HSP90AA1: variants seen among roughly 807,000 people sequenced by gnomAD.
The protein encoded by HSP90AA1 is heat shock protein 90 alpha family class A member 1, also known as heat shock protein HSP 90-alpha.
A neutral mutation model predicts 73.3 loss-of-function variants in HSP90AA1; 18 were observed. The observed-to-expected ratio is 0.25, with a 90% CI of 0.17 to 0.36. The LOEUF (loss-of-function observed/expected upper bound fraction) is 0.36, where lower values mean the gene tolerates loss of function less well. Among genes scored for constraint, HSP90AA1 ranks in the 10% least tolerant of loss-of-function variants. HSP90AA1 has a pLI of 1.00. For missense variants in HSP90AA1, 704 were observed against 874.2 expected, an observed-to-expected ratio of 0.81 and a Z score of 2.45; for synonymous variants, 477 against 296.9, an observed-to-expected ratio of 1.61 and a Z score of -6.24.
intron 1 of HSP90AA1, among the ~76,000 whole-genome samples, chr14:102,113,408 A>C (rs1383042808): frequency 6.9e-6 from 1 of 145,320 alleles, no homozygotes; most frequent in East Asian, 2.1e-4. Context: ...TCACTACGTC[A>C]CCCAGGCTGG....
chr14:102,116,511 C>T (rs895172628), intron 1 of HSP90AA1, among the ~76,000 whole-genome samples: 21 of 152,204 alleles, frequency 1.4e-4, no homozygotes, highest in South Asian at 4.1e-4. Context: ...CTGTGCTCCA[C>T]GTTCCCGAGG....
At chr14:102,118,672 A>G (rs2049738106) in intron 1 of HSP90AA1, among the ~76,000 whole-genome samples, 1 of 152,178 alleles carries the variant, frequency 6.6e-6, no homozygotes, top group Admixed American at 6.6e-5. Flanking sequence ...TTTAAAAATC[A>G]CATACAAAAT....
At chr14:102,085,143 C>T (rs2049194759) in intron 4 of HSP90AA1, 145 bp from the exon 5 acceptor site, 1 of 1,479,488 alleles carries the variant, frequency 6.8e-7, no homozygotes, top group Non-Finnish European at 9.4e-7. Flanking sequence ...GATACATCCA[C>T]TTAATAGCCC....
chr14:102,120,518 C>T (rs1341685351), intron 1 of HSP90AA1, among the ~76,000 whole-genome samples: 2 of 152,010 alleles, frequency 1.3e-5, no homozygotes, highest in African/African-American at 4.8e-5. Flanking sequence ...ATACGTATTA[C>T]TCTAACTTTA....
At chr14:102,100,150 G>A (rs2049474658) in intron 2 of HSP90AA1, among the ~76,000 whole-genome samples, 1 of 151,802 alleles carries the variant, frequency 6.6e-6, no homozygotes, top group Admixed American at 6.6e-5. Flanking sequence ...ATTGTGCCAC[G>A]GCACTCCAGC....
chr14:102,136,290 C>T (rs1433515631), intron 1 of HSP90AA1, among the ~76,000 whole-genome samples: 5 of 152,030 alleles, frequency 3.3e-5, no homozygotes, highest in Admixed American at 6.6e-5. Context: ...CGGTTTGGGC[C>T]GGGCGCGGTG....
At chr14:102,086,897 G>T (rs2049254685) in intron 1 of HSP90AA1, 89 bp downstream of exon 1, 1 of 771,968 alleles carries the variant, frequency 1.3e-6, no homozygotes, top group Non-Finnish European at 1.6e-6. Context: ...CAGGGATCTG[G>T]TCCGGCCCCC....
intron 1 of HSP90AA1, among the ~76,000 whole-genome samples, chr14:102,120,779 C>G (rs1445646344): frequency 2.6e-5 from 4 of 151,688 alleles, no homozygotes; most frequent in Admixed American, 6.6e-5. Flanking sequence ...CCTATCTCTA[C>G]TAAAAATACA....
Position 102,084,724 on chromosome 14 carries a change from T to C in HSP90AA1, c.938A>G (p.Tyr313Cys), listed in dbSNP as rs1317388040. ...DITNEEYGEFYKSLTNDWEDH... is the reference protein window; with the variant it reads ...DITNEEYGEFCKSLTNDWEDH... ...TTCCCAGTCATTGGTCAAGCTCTTA[T>C]AGAATTCTCCGTACTCCTCATTAGT... The change falls in exon 5 of 11, where the codon TAT becomes TGT. Residue 313 changes from tyrosine to cysteine, a missense_variant. Tyr to Cys is a radical substitution (Grantham distance 194, BLOSUM62 -2). Transcript: ENST00000216281. The C allele has an allele frequency of 1.9e-6, 3 of 1,614,032 alleles. No individual in the cohort carries two copies. Among genetic ancestry groups the C allele is most frequent in the Non-Finnish European group, 1.7e-6 (2 of 1,180,030 alleles).
rs561074417 is a variant in HSP90AA1 at position 102,129,594 on chromosome 14, C to T, written c.155+9656G>A. 4.6e-5 allele frequency among the ~76,000 whole-genome samples: 7 copies of T among 152,022 alleles called. No individual in the cohort carries two copies. In the South Asian group the frequency reaches 1.5e-3, roughly 32 times the overall value. On this transcript the variant is annotated intron_variant, in intron 1 of 11. Transcript: ENST00000334701. ...CTCAGCTCACTGCAGCCTCCGCCTCCCGGGTTCAAGCAATTCTCCTGCCTC... is the reference window on the plus strand; with the variant it reads ...CTCAGCTCACTGCAGCCTCCGCCTCTCGGGTTCAAGCAATTCTCCTGCCTC...
chr14:102,105,228 A>C (rs1177100499), intron 1 of HSP90AA1, among the ~76,000 whole-genome samples: 5 of 145,822 alleles, frequency 3.4e-5, no homozygotes, highest in South Asian at 4.3e-4. Context: ...ACAAAAAAAA[A>C]ACCAAACTTC....
At chr14:102,127,950 TTTG>T (rs905592319) in intron 1 of HSP90AA1, among the ~76,000 whole-genome samples, 72 of 152,154 alleles carry the variant, frequency 4.7e-4, no homozygotes, top group Non-Finnish European at 9.6e-4. Flanking sequence ...CCAGCCATGT[TTTG>T]TTTTTAATTG....
rs574477821 is a variant in HSP90AA1, at chr14:102,100,614, A to G, written c.366+1261T>C. ...CTAATTTTGTATTTTTAGTAGAGAC[A>G]GGGTTTCTCCATGTTGGTCAGGCTG... On this transcript the variant is annotated intron_variant, in intron 2 of 11. Coordinates refer to the HSP90AA1 transcript ENST00000334701. 5.9e-5 allele frequency among the ~76,000 whole-genome samples: 9 copies of G among 152,240 alleles called. No individual in the cohort carries two copies. In the South Asian group the frequency reaches 1.5e-3, roughly 25 times the overall value.
upstream of HSP90AA1, among the ~76,000 whole-genome samples, chr14:102,088,258 C>T (rs750520124): frequency 6.6e-6 from 1 of 152,160 alleles, no homozygotes; most frequent in Non-Finnish European, 1.5e-5. Context: ...CATTGGGGTT[C>T]CTTCGACCTG....
chr14:102,139,666 T>C (rs563998051), exon 1 of HSP90AA1: 1 of 651,978 alleles, frequency 1.5e-6, no homozygotes, highest in East Asian at 2.8e-5. Flanking sequence ...GAAGCAGCCA[T>C]GCCGCCCGGA....
chr14:102,091,643 AAAAG>A (rs2093485002), upstream of HSP90AA1, among the ~76,000 whole-genome samples: 2 of 151,614 alleles, frequency 1.3e-5, no homozygotes, highest in African/African-American at 2.4e-5. Flanking sequence ...AACAAACAAA[AAAAG>A]AGACAGTCTC....
At position 102,084,121 on chromosome 14, in the gene HSP90AA1, G is replaced by C. The variant is rs936714892; in HGVS notation, c.1148-138C>G. 139 of 789,938 alleles carry C rather than the reference G, an allele frequency of 1.8e-4. 1 individual carries two copies. Among genetic ancestry groups the C allele is most frequent in the Non-Finnish European group, 3.4e-5 (16 of 465,746 alleles). The allele number at this position is 789,938 out of a possible 1,614,324, so 48.9% of individuals were successfully genotyped here. ...GTCTCACTCTGTTGCCCAGGCTGGA[G>C]GGCAGTGGCGCAATCTCCACTCACT... On this transcript the variant is annotated intron_variant, in intron 6 of 10. Transcript: ENST00000216281.
chr14:102,110,991 T>C (rs1460693659), intron 1 of HSP90AA1, among the ~76,000 whole-genome samples: 1 of 152,180 alleles, frequency 6.6e-6, no homozygotes, highest in Non-Finnish European at 1.5e-5. Context: ...GTGCTGGGAT[T>C]ACAGGCATGA....
At position 102,082,251 on chromosome 14, in the gene HSP90AA1, G is replaced by A. The variant is rs2049116580; in HGVS notation, c.1949C>T (p.Ala650Val). 6.2e-7 allele frequency: 1 copy of A among 1,613,908 alleles called. No individual in the cohort carries two copies. Among genetic ancestry groups the A allele is most frequent in the East Asian group, 2.2e-5 (1 of 44,882 alleles). ...AGACTTGTCGTTCTTATCAGCCTCT[G>A]CCTTTTGCCTTAAGGTCTCAATAAT... ...HSIIETLRQK[A>V]EADKNDKSVK... is the part of the protein sequence containing the mutation. Residue 650 changes from alanine (A) to valine (V), a missense_variant, in exon 10 of 11, where the codon GCA becomes GTA. Physicochemically the swap from Ala to Val is moderately conservative, Grantham distance 64 (BLOSUM62 0). Coordinates refer to ENST00000216281, the MANE Select transcript of HSP90AA1 (RefSeq NM_005348.4).
Sources: gnomAD v4.1 joint callset for allele counts (sites outside exome capture counted in the v4.1 genomes callset) on GRCh38, gnomAD v4.1.1 for gene constraint, MANE v1.5 for transcripts, NCBI Gene and HGNC (gene_info 2026-07-23, HGNC 2026-07-21) for gene names.